The following CDIN1 variants were observed in gnomAD, a reference collection of about 807,000 sequenced individuals.
CDIN1 encodes the protein CDAN1 interacting nuclease 1.
In CDIN1, 33 loss-of-function variants were observed where a neutral mutation model predicts 45.3. That is an observed-to-expected ratio of 0.73 (90% CI 0.55 to 0.97). The LOEUF (loss-of-function observed/expected upper bound fraction) is 0.97, where lower values mean the gene tolerates loss of function less well. Among genes scored for constraint, CDIN1 ranks in the 50% least tolerant of loss-of-function variants. The pLI is 0.00. For missense variants in CDIN1, 303 were observed against 339.4 expected, an observed-to-expected ratio of 0.89 and a Z score of 0.84; for synonymous variants, 118 against 124.4, an observed-to-expected ratio of 0.95 and a Z score of 0.34.
intron 8 of CDIN1, among the ~76,000 whole-genome samples, chr15:36,698,179 A>G (rs1333068816): frequency 6.6e-6 from 1 of 152,240 alleles, no homozygotes; most frequent in East Asian, 1.9e-4. Context: ...TTTTTCCAAA[A>G]TGGGCAAAGA....
intron 1 of CDIN1, among the ~76,000 whole-genome samples, chr15:36,625,151 G>T (rs1278932903): frequency 6.6e-6 from 1 of 151,634 alleles, no homozygotes; most frequent in African/African-American, 2.4e-5. Flanking sequence ...TGTGGTGGCG[G>T]GCACCTGTAG....
chr15:36,715,883 A>G (rs2043199379), intron 10 of CDIN1, among the ~76,000 whole-genome samples: 1 of 152,206 alleles, frequency 6.6e-6, no homozygotes, highest in Non-Finnish European at 1.5e-5. Flanking sequence ...ATGACTTCTC[A>G]TAATGGTTAT....
At position 36,644,259 on chromosome 15, in the gene CDIN1, C is replaced by G. The variant is rs1360254993; in HGVS notation, c.102-19C>G. On this transcript the variant is annotated intron_variant, in intron 1 of 10. Coordinates refer to ENST00000566621, the MANE Select transcript of CDIN1 (RefSeq NM_001321759.2). Reference sequence around the variant, plus strand: ...GTGCACTCCAGTAATTAACTTTGTCCTTCTTTTATTTGTTCCAGTCAATCG... The same window carrying G: ...GTGCACTCCAGTAATTAACTTTGTCGTTCTTTTATTTGTTCCAGTCAATCG... 1 of 1,612,682 alleles carries G rather than the reference C, an allele frequency of 6.2e-7. No homozygotes were observed.
intron 7 of CDIN1, 56 bp from the exon 8 acceptor site, chr15:36,697,267 C>T: frequency 6.8e-6 from 10 of 1,472,892 alleles, no homozygotes; most frequent in Non-Finnish European, 9.5e-6. Flanking sequence ...CTGGTATTAG[C>T]GTTTTCCTGC....
At chr15:36,657,732 GT>G (rs1297215847) in intron 4 of CDIN1, 100 bp from the exon 5 acceptor site, 1 of 881,258 alleles carries the variant, frequency 1.1e-6, no homozygotes, top group Non-Finnish European at 1.8e-6. Context: ...GCTTGCTATG[GT>G]TGATTAAAAT....
chr15:36,625,826 C>A (rs2039399378), intron 1 of CDIN1, among the ~76,000 whole-genome samples: 1 of 152,124 alleles, frequency 6.6e-6, no homozygotes, highest in Non-Finnish European at 1.5e-5. Context: ...GCTGCCATAG[C>A]AAAATACCAT....
Position 36,688,881 on chromosome 15 carries a change from A to G in CDIN1, c.347-2804A>G, listed in dbSNP as rs74543427. Among the ~76,000 whole-genome samples, 1,060 of 152,176 alleles carry G rather than the reference A, an allele frequency of 7.0e-3. 15 individuals are homozygous for G. The highest frequency in any genetic ancestry group is 0.024 in the African/African-American group (998 of 41,510). On this transcript the variant is annotated intron_variant, in intron 5 of 10. Coordinates refer to ENST00000566621, the MANE Select transcript of CDIN1 (RefSeq NM_001321759.2). ...ACATACTTTCATGAAGCCTGAGTGG[A>G]AAGAGCTGTGTGTGTTTGGCAGATA...
At chr15:36,789,614 C>T (rs2141082384) in intron 10 of CDIN1, among the ~76,000 whole-genome samples, 1 of 152,274 alleles carries the variant, frequency 6.6e-6, no homozygotes, top group Non-Finnish European at 1.5e-5. Context: ...GTAAGGTATA[C>T]TTATTACAAA....
chr15:36,617,833 A>C lies in CDIN1; in HGVS notation c.102-26445A>C, dbSNP rs1390200550. On this transcript the variant is annotated intron_variant, in intron 1 of 10. Coordinates refer to ENST00000566621, the MANE Select transcript of CDIN1 (RefSeq NM_001321759.2). ...CTTTCCAGTCAGACACAGATACACA[A>C]AAGGCTTTTAAATCCTTAAGAGAAG... 12 of 783,930 alleles carry C rather than the reference A, an allele frequency of 1.5e-5. No individual in the cohort carries two copies. In the Admixed American group the frequency reaches 2.1e-4, roughly 14 times the overall value. The allele number at this position is 783,930 out of a possible 1,614,324, so 48.6% of individuals were successfully genotyped here.
chr15:36,694,577 T>C (rs74008748), intron 7 of CDIN1, among the ~76,000 whole-genome samples: 5,082 of 141,484 alleles, frequency 0.036, 132 homozygotes, highest in African/African-American at 0.081. Flanking sequence ...TGCTTTCTCT[T>C]TTTTTTTGTT....
chr15:36,643,340 G>T (rs1004464267), intron 1 of CDIN1, among the ~76,000 whole-genome samples: 8 of 152,060 alleles, frequency 5.3e-5, no homozygotes, highest in Non-Finnish European at 8.8e-5. Context: ...AATTACCTGT[G>T]ATGAGCTTAA....
intron 10 of CDIN1, among the ~76,000 whole-genome samples, chr15:36,713,516 G>T (rs751372674): frequency 6.6e-6 from 1 of 152,144 alleles, no homozygotes; most frequent in Non-Finnish European, 1.5e-5. Context: ...TCCAGAGTAT[G>T]CCACTTTCTG....
intron 10 of CDIN1, among the ~76,000 whole-genome samples, chr15:36,772,559 T>C (rs1770801118): frequency 6.6e-6 from 1 of 152,162 alleles, no homozygotes; most frequent in African/African-American, 2.4e-5. Context: ...CCACTTTTGG[T>C]TTGACTATGC....
At chr15:36,734,314 C>T in intron 10 of CDIN1, 1 of 389,574 alleles carries the variant, frequency 2.6e-6, no homozygotes, top group Non-Finnish European at 5.0e-6. Flanking sequence ...CTTTGTTCAT[C>T]CTTAGAACAA....
At chr15:36,641,758 A>C (rs184783190) in intron 1 of CDIN1, 1 of 152,088 alleles carries the variant, frequency 6.6e-6, no homozygotes, top group African/African-American at 2.4e-5. Context: ...TGCGTACTTG[A>C]AAGTTTCTTC....
intron 1 of CDIN1, chr15:36,617,686 T>C: frequency 1.3e-6 from 1 of 770,702 alleles, no homozygotes; most frequent in Non-Finnish European, 2.4e-6. Context: ...AAGCGTTGTA[T>C]TGTGATTCTT....
intron 10 of CDIN1, among the ~76,000 whole-genome samples, chr15:36,762,486 G>A (rs2053794101): frequency 8.1e-6 from 1 of 123,028 alleles, no homozygotes; most frequent in South Asian, 2.2e-4. Flanking sequence ...TGTTTTGTTT[G>A]TTTGTTTGTT....
chr15:36,709,473 G>A (rs1279315332), intron 9 of CDIN1, among the ~76,000 whole-genome samples, 185 bp downstream of exon 9: 1 of 152,074 alleles, frequency 6.6e-6, no homozygotes, highest in Non-Finnish European at 1.5e-5. Flanking sequence ...CATATATTGA[G>A]AAATAAACAT....
At chr15:36,617,957 T>G in intron 1 of CDIN1, 2 of 764,452 alleles carry the variant, frequency 2.6e-6, no homozygotes, top group Admixed American at 3.4e-5. Flanking sequence ...TTCTAGTATC[T>G]ATAGTCAGCC....
Sources: allele counts gnomAD v4.1 joint callset (sites outside exome capture counted in the v4.1 genomes callset), GRCh38; gene constraint gnomAD v4.1.1; transcripts MANE v1.5; gene names NCBI Gene and HGNC (gene_info 2026-07-23, HGNC 2026-07-21).